The following MCC variants were observed in gnomAD, a reference collection of about 807,000 sequenced individuals.
MCC encodes colorectal mutant cancer protein.
Under a neutral mutation model 116.2 loss-of-function variants are expected in MCC, and 90 were observed. The ratio of observed to expected loss-of-function variants is 0.77; its 90% confidence interval spans 0.65 to 0.92. The LOEUF (loss-of-function observed/expected upper bound fraction) is 0.92, where lower values mean the gene tolerates loss of function less well. MCC is among the 40% of genes least tolerant of loss of function. MCC has a pLI of 0.00. For synonymous variants in MCC, 578 were observed against 510.5 expected, an observed-to-expected ratio of 1.13 and a Z score of -1.78; for missense variants, 1,516 against 1,312.2, an observed-to-expected ratio of 1.16 and a Z score of -2.40.
intron 3 of MCC, among the ~76,000 whole-genome samples, chr5:113,267,452 C>T (rs988699921): frequency 1.3e-5 from 2 of 152,174 alleles, no homozygotes; most frequent in Non-Finnish European, 2.9e-5. Flanking sequence ...CTCATCTTCA[C>T]GGTAACTCTG....
At chr5:113,460,747 T>C (rs934747581) in intron 1 of MCC, among the ~76,000 whole-genome samples, 4 of 152,208 alleles carry the variant, frequency 2.6e-5, no homozygotes, top group Non-Finnish European at 4.4e-5. Context: ...TTGTAGCTTG[T>C]TGCCTTATAT....
intron 17 of MCC, among the ~76,000 whole-genome samples, chr5:113,039,851 G>C (rs1169896906): frequency 6.6e-6 from 1 of 151,944 alleles, no homozygotes; most frequent in African/African-American, 2.4e-5. Flanking sequence ...CAAACACCAT[G>C]TGAGTACAAA....
intron 8 of MCC, among the ~76,000 whole-genome samples, chr5:113,096,672 G>A (rs1756045932): frequency 6.6e-6 from 1 of 152,170 alleles, no homozygotes; most frequent in African/African-American, 2.4e-5. Context: ...GCCTTTGAGT[G>A]GGCTCTTAGG....
intron 3 of MCC, among the ~76,000 whole-genome samples, chr5:113,329,849 G>C (rs925278863): frequency 1.3e-5 from 2 of 152,136 alleles, no homozygotes; most frequent in Admixed American, 1.3e-4. Flanking sequence ...CCAGAAAGCA[G>C]GGCTCCCTTC....
intron 2 of MCC, among the ~76,000 whole-genome samples, chr5:113,355,847 T>G (rs899931992): frequency 1.3e-5 from 2 of 152,010 alleles, no homozygotes; most frequent in African/African-American, 4.8e-5. Context: ...CATACAAATT[T>G]GGGCACCGGG....
intron 5 of MCC, among the ~76,000 whole-genome samples, chr5:113,140,253 C>T (rs925964170): frequency 6.6e-6 from 1 of 152,052 alleles, no homozygotes; most frequent in African/African-American, 2.4e-5. Flanking sequence ...CACCTCCTAC[C>T]TGGGATGAAA....
chr5:113,147,648 A>T (rs1197308641), intron 4 of MCC, among the ~76,000 whole-genome samples: 2 of 152,172 alleles, frequency 1.3e-5, no homozygotes, highest in Non-Finnish European at 2.9e-5. Context: ...TATTCGGGGT[A>T]TTTCCACCCT....
chr5:113,217,685 C>G (rs529833796), intron 3 of MCC, among the ~76,000 whole-genome samples: 6 of 150,092 alleles, frequency 4.0e-5, no homozygotes, highest in African/African-American at 1.5e-4. Flanking sequence ...TGCCTTCCAC[C>G]TGTGCCCCTA....
In MCC at chr5:113,293,538, C is replaced by A. The variant is rs1766591895; in HGVS notation, c.627+46981G>T. Among the ~76,000 whole-genome samples, 3 of 152,148 alleles carry A rather than the reference C, an allele frequency of 2.0e-5. No individual in the cohort carries two copies. In the South Asian group the frequency reaches 6.2e-4, roughly 32 times the overall value. The stretch of plus-strand genomic sequence containing the variant: ...GTTCTACGGGCTTCTCATCACTTTT[C>A]AGGTATTCAAAGCTTTGAGGGATGT... On this transcript the variant is annotated intron_variant, in intron 3 of 18. Transcript: ENST00000408903.
chr5:113,198,116 G>A (rs1248771344), intron 3 of MCC, among the ~76,000 whole-genome samples: 2 of 152,222 alleles, frequency 1.3e-5, no homozygotes, highest in East Asian at 1.9e-4. Flanking sequence ...TATAAGTCTA[G>A]CATAAAGCAA....
At chr5:113,188,817 T>C (rs1278885354) in intron 3 of MCC, among the ~76,000 whole-genome samples, 1 of 152,172 alleles carries the variant, frequency 6.6e-6, no homozygotes, top group Non-Finnish European at 1.5e-5. Context: ...GAGCCAGGAA[T>C]TGAGGTGTCT....
intron 14 of MCC, among the ~76,000 whole-genome samples, chr5:113,056,381 A>G (rs1424269671): frequency 6.6e-6 from 1 of 152,372 alleles, no homozygotes; most frequent in East Asian, 1.9e-4. Context: ...TACCACGAAT[A>G]CTATGTAGCC....
intron 14 of MCC, among the ~76,000 whole-genome samples, chr5:113,059,812 G>A (rs927480874): frequency 4.6e-5 from 7 of 152,232 alleles, no homozygotes; most frequent in African/African-American, 1.7e-4. Flanking sequence ...TGGTGGGAAT[G>A]CGGGGCTGGC....
At chr5:113,380,499 CTCAT>C (rs113806132) in intron 2 of MCC, among the ~76,000 whole-genome samples, 9 of 151,232 alleles carry the variant, frequency 6.0e-5, no homozygotes, top group African/African-American at 1.5e-4. Flanking sequence ...CAGTGCATTG[CTCAT>C]TCATTCATTC....
chr5:113,231,103 G>GA (rs905039207), intron 3 of MCC, among the ~76,000 whole-genome samples: 2 of 151,780 alleles, frequency 1.3e-5, no homozygotes, highest in Non-Finnish European at 2.9e-5. Flanking sequence ...TCCTAAGGGG[G>GA]AAAAAAAATC....
At chr5:113,029,387 C>T (rs1374753161) in intron 17 of MCC, among the ~76,000 whole-genome samples, 2 of 150,202 alleles carry the variant, frequency 1.3e-5, no homozygotes, top group Non-Finnish European at 3.0e-5. Flanking sequence ...GCAATGAGTG[C>T]GGCCTGACCA....
chr5:113,346,632 AC>A (rs56851248), intron 2 of MCC, among the ~76,000 whole-genome samples: 2,840 of 84,348 alleles, frequency 0.034, 86 homozygotes, highest in African/African-American at 0.084. Context: ...AACAACAACA[AC>A]AAAAAAAACA....
chr5:113,033,680 C>T (rs1561735498), intron 17 of MCC, among the ~76,000 whole-genome samples: 1 of 152,170 alleles, frequency 6.6e-6, no homozygotes, highest in Non-Finnish European at 1.5e-5. Flanking sequence ...GCCAGAAATA[C>T]ATAATCCATT....
intron 3 of MCC, among the ~76,000 whole-genome samples, chr5:113,155,011 A>T (rs745975515): frequency 6.6e-6 from 1 of 151,636 alleles, no homozygotes; most frequent in Non-Finnish European, 1.5e-5. Context: ...CCATTAACCA[A>T]CCTCTCTCTT....
Sources: gnomAD v4.1 joint callset for allele counts (sites outside exome capture counted in the v4.1 genomes callset) on GRCh38, gnomAD v4.1.1 for gene constraint, MANE v1.5 for transcripts, NCBI Gene and HGNC (gene_info 2026-07-23, HGNC 2026-07-21) for gene names.